The following FNBP1L variants were observed in gnomAD, a reference collection of about 807,000 sequenced individuals.
FNBP1L encodes formin binding protein 1 like.
FNBP1L carries 36 observed loss-of-function variants against 91.2 expected under a neutral mutation model. That is an observed-to-expected ratio of 0.39 (90% CI 0.30 to 0.52). The LOEUF is 0.52. Among genes scored for constraint, FNBP1L ranks in the 20% least tolerant of loss-of-function variants. The pLI, the probability that FNBP1L is intolerant of heterozygous loss-of-function variation, is 0.66. For synonymous variants in FNBP1L, 242 were observed against 237.0 expected (o/e 1.02, Z -0.19); for missense variants, 571 against 732.1 (o/e 0.78, Z 2.54).
chr1:93,524,536 TAAG>T (rs1013847176), intron 5 of FNBP1L, among the ~76,000 whole-genome samples: 2 of 151,542 alleles, frequency 1.3e-5, no homozygotes, highest in South Asian at 2.1e-4. Context: ...ACTCTATACT[TAAG>T]AACTCTGTAA....
At chr1:93,504,859 A>G (rs1670554752) in intron 2 of FNBP1L, among the ~76,000 whole-genome samples, 1 of 152,156 alleles carries the variant, frequency 6.6e-6, no homozygotes, top group Admixed American at 6.5e-5. Flanking sequence ...TGATTTGCAC[A>G]TTCTTTCTCC....
chr1:93,474,336 G>T (rs1669417330), intron 1 of FNBP1L, among the ~76,000 whole-genome samples: 1 of 152,184 alleles, frequency 6.6e-6, no homozygotes, highest in African/African-American at 2.4e-5. Flanking sequence ...GAGGGCAAGG[G>T]AAACCATTGA....
intron 1 of FNBP1L, among the ~76,000 whole-genome samples, chr1:93,489,277 C>T (rs893680742): frequency 1.3e-5 from 2 of 151,020 alleles, no homozygotes; most frequent in Non-Finnish European, 2.9e-5. Flanking sequence ...GTGGATATGA[C>T]GACAGGAGTG....
chr1:93,505,742 A>G (rs763178058), intron 2 of FNBP1L, among the ~76,000 whole-genome samples: 1 of 152,228 alleles, frequency 6.6e-6, no homozygotes, highest in Non-Finnish European at 1.5e-5. Context: ...TGGGGAGGAA[A>G]GTCTTTGAAG....
chr1:93,542,062 A>C (rs931814412), intron 11 of FNBP1L, among the ~76,000 whole-genome samples: 1 of 152,150 alleles, frequency 6.6e-6, no homozygotes, highest in Non-Finnish European at 1.5e-5. Flanking sequence ...TAATTTTTCA[A>C]GATTTTTAGA....
At chr1:93,499,628 T>G (rs1224566182) in intron 2 of FNBP1L, 45 bp downstream of exon 2, 7 of 1,129,432 alleles carry the variant, frequency 6.2e-6, no homozygotes, top group Non-Finnish European at 9.0e-6. Context: ...ATTACATGTT[T>G]AAACAGTTGA....
chr1:93,449,635 A>T (rs1318916587), intron 1 of FNBP1L, among the ~76,000 whole-genome samples: 1 of 152,214 alleles, frequency 6.6e-6, no homozygotes, highest in African/African-American at 2.4e-5. Flanking sequence ...AACATTCTGT[A>T]CAAGTGCTTA....
chr1:93,467,877 C>T (rs1276776768), intron 1 of FNBP1L, among the ~76,000 whole-genome samples: 1 of 152,136 alleles, frequency 6.6e-6, no homozygotes, highest in Non-Finnish European at 1.5e-5. Context: ...AATTTGAGTT[C>T]AGCCTGGGCA....
intron 2 of FNBP1L, among the ~76,000 whole-genome samples, chr1:93,512,031 CAT>C (rs1278478356): frequency 2.7e-5 from 4 of 149,806 alleles, no homozygotes; most frequent in African/African-American, 7.4e-5. Context: ...AAACCCATCT[CAT>C]GTGCAGAGAC....
intron 13 of FNBP1L, 128 bp from the exon 14 acceptor site, chr1:93,547,219 G>T: frequency 2.2e-6 from 2 of 913,428 alleles, no homozygotes; most frequent in South Asian, 1.8e-5. Context: ...GACCAGTTTG[G>T]AATAAAGGTT....
At chr1:93,489,682 G>A (rs1282433934) in intron 1 of FNBP1L, among the ~76,000 whole-genome samples, 3 of 152,000 alleles carry the variant, frequency 2.0e-5, no homozygotes, top group African/African-American at 7.2e-5. Flanking sequence ...CCAAATATGC[G>A]AGTTTTCCCC....
chr1:93,528,541 G>T (rs1468935806), intron 5 of FNBP1L, among the ~76,000 whole-genome samples: 1 of 152,136 alleles, frequency 6.6e-6, no homozygotes, highest in Non-Finnish European at 1.5e-5. Flanking sequence ...AGACCTTTTA[G>T]GAGGCTGCTG....
intron 15 of FNBP1L, among the ~76,000 whole-genome samples, chr1:93,550,519 C>G (rs1285829009): frequency 6.6e-6 from 1 of 152,146 alleles, no homozygotes; most frequent in African/African-American, 2.4e-5. Flanking sequence ...TCTCTGTTCT[C>G]CCTTCAGACT....
rs370356527 is a variant in FNBP1L, at chr1:93,546,877, A to G, written c.1310A>G (p.Lys437Arg). 1.9e-6 allele frequency: 3 copies of G among 1,613,054 alleles called. No homozygotes were observed. The highest frequency in any genetic ancestry group is 2.5e-6 in the Non-Finnish European group (3 of 1,179,438). ...AACAAAATGAAAGATGTATATGAGA[A>G]GAATCCACAAATGGGGGATCCAGGG... ...ALNKMKDVYEKNPQMGDPGSL... is the reference protein window; with the variant it reads ...ALNKMKDVYERNPQMGDPGSL... Residue 437 changes from lysine (K) to arginine (R), a missense_variant, in exon 13 of 17, where the codon AAG becomes AGG. By Grantham distance (26) the Lys-to-Arg change is conservative. Around this residue, in one of 5 missense-constraint regions of FNBP1L, gnomAD observed 189 missense variants for 219.7 expected, o/e 0.86. Coordinates refer to ENST00000271234, the MANE Select transcript of FNBP1L (RefSeq NM_001164473.3).
rs567459056 is a variant in FNBP1L at position 93,494,234 on chromosome 1, A to G, written c.25-5234A>G. The stretch of plus-strand genomic sequence containing the variant: ...TTTATTACAAAGGATATTATAAAGG[A>G]CACAGATGAACAGCTAGATGAAGAG... On this transcript the variant is annotated intron_variant, in intron 1 of 16. Transcript: ENST00000271234. Among the ~76,000 whole-genome samples, 4 of 152,302 alleles carry G rather than the reference A, an allele frequency of 2.6e-5. No homozygotes were observed. In the South Asian group the frequency reaches 8.3e-4, roughly 32 times the overall value.
In FNBP1L at chr1:93,553,341, A is replaced by T. The variant is rs760645113; in HGVS notation, c.*925A>T. 1 of 152,706 alleles carries T rather than the reference A, an allele frequency of 6.5e-6. No homozygotes were observed. The highest frequency in any genetic ancestry group is 1.5e-5 in the Non-Finnish European group (1 of 68,056). 9.5% of individuals were successfully genotyped at this position (152,706 alleles called of 1,614,324 possible). A position where few individuals can be genotyped will look rare whatever the true frequency, so the allele number is the denominator to read the frequency against. Reference sequence around the variant, plus strand: ...TGATTGCCAACACTACCACTACAGTATCCCACAAAGGGCTTTATGTGTCAG... The same window carrying T: ...TGATTGCCAACACTACCACTACAGTTTCCCACAAAGGGCTTTATGTGTCAG... On this transcript the variant is annotated 3_prime_UTR_variant, in exon 17 of 17. Coordinates refer to ENST00000271234, the MANE Select transcript of FNBP1L (RefSeq NM_001164473.3).
chr1:93,535,048 T>C (rs867493343), intron 9 of FNBP1L, 140 bp downstream of exon 9: 6 of 691,012 alleles, frequency 8.7e-6, no homozygotes, highest in Middle Eastern at 3.8e-4. Flanking sequence ...CTTTCACTTA[T>C]ATTAGGAATA....
chr1:93,510,527 T>G (rs1307818400), intron 2 of FNBP1L, among the ~76,000 whole-genome samples: 1 of 150,898 alleles, frequency 6.6e-6, no homozygotes, highest in Non-Finnish European at 1.5e-5. Context: ...GCAGAAAAAC[T>G]GGAAACTCTA....
intron 1 of FNBP1L, among the ~76,000 whole-genome samples, chr1:93,480,991 T>C (rs535172829): frequency 1.3e-5 from 2 of 151,822 alleles, no homozygotes; most frequent in Non-Finnish European, 2.9e-5. Flanking sequence ...GGTAGAATTA[T>C]GAAAAAAAAA....
Sources: allele counts gnomAD v4.1 joint callset (sites outside exome capture counted in the v4.1 genomes callset), GRCh38; gene constraint gnomAD v4.1.1; regional missense constraint gnomAD v4.1.1; transcripts MANE v1.5; gene names NCBI Gene and HGNC (gene_info 2026-07-23, HGNC 2026-07-21).